The following GFM1 variants were observed in gnomAD, a reference collection of about 807,000 sequenced individuals.
GFM1 encodes elongation factor G, mitochondrial.
Under a neutral mutation model 96.2 loss-of-function variants are expected in GFM1, and 62 were observed. The ratio of observed to expected loss-of-function variants is 0.64; its 90% CI spans 0.53 to 0.80. The LOEUF (loss-of-function observed/expected upper bound fraction) is 0.80, where lower values mean the gene tolerates loss of function less well. Ranked by LOEUF, GFM1 falls within the 30% of genes least tolerant of loss-of-function variation. The pLI is 0.00. For synonymous variants in GFM1, 282 were observed against 312.9 expected (o/e 0.90, Z 1.04); for missense variants, 852 against 916.6 (o/e 0.93, Z 0.91).
rs952597094 is a variant in GFM1 at position 158,693,856 on chromosome 3, T to C, written c.*2389T>C. On this transcript the variant is annotated 3_prime_UTR_variant, in exon 18 of 18. Coordinates refer to ENST00000486715, the MANE Select transcript of GFM1 (RefSeq NM_024996.7). ...TTGGCTGGATCAAGATAAAAACTTT[T>C]TTGGGTGATTCTAATATGCAGACAA... 6.6e-6 allele frequency: 1 copy of C among 152,198 alleles called. No homozygotes were observed. The highest frequency in any genetic ancestry group is 1.5e-5 in the Non-Finnish European group (1 of 68,036). The allele number at this position is 152,198 out of a possible 1,614,324, so 9.4% of individuals were successfully genotyped here.
Position 158,653,485 on chromosome 3 carries a change from A to G in GFM1, c.998+18A>G. On this transcript the variant is annotated intron_variant, in intron 7 of 17. Transcript: ENST00000486715. ...AAAGAGGAGTAAGTCTTGAAAATTG[A>G]ATCTTAGTTTATGCAGAAATACTTT... 1 of 1,588,640 alleles carries G rather than the reference A, an allele frequency of 6.3e-7. No individual in the cohort carries two copies. Among genetic ancestry groups the G allele is most frequent in the Non-Finnish European group, 8.6e-7 (1 of 1,157,134 alleles).
chr3:158,674,080 CT>C (rs397877329), intron 13 of GFM1, among the ~76,000 whole-genome samples: 20,776 of 132,826 alleles, frequency 0.16, 1,412 homozygotes, highest in South Asian at 0.2. Context: ...CACACATGAC[CT>C]TTTTTTTTTT....
Position 158,691,187 on chromosome 3 carries a change from A to G in GFM1, c.2119A>G (p.Thr707Ala). 1.2e-6 allele frequency: 2 copies of G among 1,612,402 alleles called. No individual in the cohort carries two copies. Reference protein sequence around the residue: ...FGYSTELRSCTEGKGEYTMEY... With the variant: ...FGYSTELRSCAEGKGEYTMEY... ...TTATTCCACTGAACTTAGGTCATGC[A>G]CAGAGGTAGGCAAATTTAAACTTAC... The change falls in exon 17 of 18, where the codon ACA becomes GCA. Residue 707 changes from threonine to alanine, a missense_variant. Physicochemically the swap from Thr to Ala is moderately conservative, Grantham distance 58. Transcript: ENST00000486715.
intron 15 of GFM1, among the ~76,000 whole-genome samples, chr3:158,686,512 G>T (rs1725864942): frequency 6.7e-6 from 1 of 149,864 alleles, no homozygotes; most frequent in African/African-American, 2.4e-5. Context: ...TCTAGGGTTA[G>T]AGGAAAGCAT....
At chr3:158,646,093 TTTCAG>T in intron 2 of GFM1, 67 bp from the exon 3 acceptor site, 1 of 1,583,342 alleles carries the variant, frequency 6.3e-7, no homozygotes, top group Non-Finnish European at 8.7e-7. Flanking sequence ...ACTGTTTCCA[TTTCAG>T]TTAAGATTTC....
Position 158,646,918 on chromosome 3 carries a change from C to T in GFM1, c.543C>T (p.Ser181=). 6.2e-7 allele frequency: 1 copy of T among 1,614,078 alleles called. No homozygotes were observed. ...TTAACAAATTGGACCGAATGGGCTC[C>T]AACCCAGCCAGGGCCCTGCAGCAAA... The part of the protein sequence containing the change: ...TFINKLDRMG[S]NPARALQQMR... The change falls in exon 4 of 18, where the codon TCC becomes TCT. Residue 181 remains serine, a synonymous_variant. Transcript: ENST00000486715.
intron 15 of GFM1, among the ~76,000 whole-genome samples, chr3:158,689,885 GT>G (rs1477067226): frequency 6.6e-6 from 1 of 152,040 alleles, no homozygotes; most frequent in Non-Finnish European, 1.5e-5. Flanking sequence ...ATCAGATGTT[GT>G]TTTAAGACCC....
At chr3:158,681,925 A>T in intron 13 of GFM1, 70 bp from the exon 14 acceptor site, 1 of 1,238,534 alleles carries the variant, frequency 8.1e-7, no homozygotes, top group Non-Finnish European at 1.2e-6. Flanking sequence ...GTGTTCTTTT[A>T]AATTAATAGG....
intron 9 of GFM1, chr3:158,660,148 C>T (rs1227091078): frequency 2.0e-5 from 3 of 152,010 alleles, no homozygotes; most frequent in Admixed American, 6.6e-5. Flanking sequence ...TTCAAAACTT[C>T]CTTTACAGGT....
chr3:158,684,758 C>T, intron 15 of GFM1, 90 bp downstream of exon 15: 1 of 1,346,322 alleles, frequency 7.4e-7, no homozygotes. Flanking sequence ...TCTTCTTCAC[C>T]CAGAGCACTA....
Position 158,652,228 on chromosome 3 carries a change from CT to C in GFM1, c.823del (p.Ser275ArgfsTer5). Reference protein sequence around the residue: ...GEMFLEEKIPSISDLKLAIRR... With the variant: ...GEMFLEEKIPXISDLKLAIRR... The stretch of plus-strand genomic sequence containing the variant: ...AGATGTTTCTGGAAGAAAAAATCCC[CT>C]CGATTTCTGATTTAAAGGCAAGTGC... On this transcript the variant is annotated frameshift_variant, in exon 6 of 18. Transcript: ENST00000486715. LOFTEE classifies it high-confidence loss of function. 1.2e-6 allele frequency: 2 copies of C among 1,614,060 alleles called. No individual in the cohort carries two copies. Among genetic ancestry groups the C allele is most frequent in the South Asian group, 2.2e-5 (2 of 91,064 alleles).
intron 1 of GFM1, 152 bp from the exon 2 acceptor site, chr3:158,645,477 C>T: frequency 1.4e-6 from 1 of 695,254 alleles, no homozygotes; most frequent in Non-Finnish European, 2.6e-6. Flanking sequence ...TACAAGAGTT[C>T]CAGGCTTAAA....
intron 7 of GFM1, among the ~76,000 whole-genome samples, chr3:158,653,845 C>T (rs1398820104): frequency 1.3e-5 from 2 of 151,908 alleles, no homozygotes; most frequent in Non-Finnish European, 2.9e-5. Context: ...CCAAGGCGGG[C>T]GGATCACCTG....
intron 8 of GFM1, chr3:158,656,577 G>C (rs1175846778): frequency 6.7e-6 from 1 of 148,560 alleles, no homozygotes; most frequent in African/African-American, 2.5e-5. Context: ...TTTTTAGAAG[G>C]AAGTCACTTG....
chr3:158,689,507 G>A (rs1403671571), intron 15 of GFM1, among the ~76,000 whole-genome samples: 1 of 152,092 alleles, frequency 6.6e-6, no homozygotes, highest in Non-Finnish European at 1.5e-5. Flanking sequence ...CTCCTGCCCT[G>A]TGACAAAAAT....
At chr3:158,661,155 T>TG (rs1723169822) in intron 10 of GFM1, among the ~76,000 whole-genome samples, 180 bp downstream of exon 10, 1 of 152,200 alleles carries the variant, frequency 6.6e-6, no homozygotes, top group Non-Finnish European at 1.5e-5. Flanking sequence ...ATTAGACAAG[T>TG]GCTCTGTAAG....
rs769023382 is a variant in GFM1, at chr3:158,690,140, ACTT to A, written c.1910-22_1910-20del. The A allele has an allele frequency of 2.7e-6, 4 of 1,474,914 alleles. No homozygotes were observed. The highest frequency in any genetic ancestry group is 3.8e-6 in the Non-Finnish European group (4 of 1,056,158). The allele number at this position is 1,474,914 out of a possible 1,614,324, so 91.4% of individuals were successfully genotyped here. On this transcript the variant is annotated intron_variant, in intron 15 of 17. Transcript: ENST00000486715. Reference sequence around the variant, plus strand: ...TTGTAGTTTGTATGAAGACTAATGAACTTTTTTTTTTTTTTAACCCAGCCTTGG... The same window carrying A: ...TTGTAGTTTGTATGAAGACTAATGAATTTTTTTTTTTTAACCCAGCCTTGG...
rs564066607 is a variant in GFM1 at position 158,649,276 on chromosome 3, T to C, written c.689+119T>C. On this transcript the variant is annotated intron_variant, in intron 5 of 17. Coordinates refer to ENST00000486715, the MANE Select transcript of GFM1 (RefSeq NM_024996.7). ...TTTTGAAATGCGACTGCAAGAATAC[T>C]CTGAGATGGTTTTGTTTTAATACCT... The C allele has an allele frequency of 4.2e-5, 26 of 621,692 alleles. No individual in the cohort carries two copies. In the African/African-American group the frequency reaches 4.9e-4, roughly 12 times the overall value. The allele number at this position is 621,692 out of a possible 1,614,324, so 38.5% of individuals were successfully genotyped here.
chr3:158,652,636 C>T (rs975272419), intron 6 of GFM1, among the ~76,000 whole-genome samples: 1 of 152,160 alleles, frequency 6.6e-6, no homozygotes, highest in Non-Finnish European at 1.5e-5. Flanking sequence ...CAGCAGGACA[C>T]ATTGATGGTG....
Sources: allele counts gnomAD v4.1 joint callset (sites outside exome capture counted in the v4.1 genomes callset), GRCh38; gene constraint gnomAD v4.1.1; transcripts MANE v1.5; gene names NCBI Gene and HGNC (gene_info 2026-07-23, HGNC 2026-07-21).